GPR161: variants seen among roughly 807,000 people sequenced by gnomAD.
GPR161 encodes the protein G-protein coupled receptor RE2.
In GPR161, 25 loss-of-function variants were observed where a neutral mutation model predicts 39.2. That is an observed-to-expected ratio of 0.64 (90% CI 0.47 to 0.89). GPR161 has a LOEUF of 0.89. Among genes scored for constraint, GPR161 ranks in the 40% least tolerant of loss-of-function variants. The probability of loss-of-function intolerance (pLI) is 0.00; values close to 1 mark genes in which losing one functional copy is unlikely to be tolerated. For synonymous variants in GPR161, 286 were observed against 276.6 expected, an observed-to-expected ratio of 1.03 and a Z score of -0.34; for missense variants, 547 against 677.8, an observed-to-expected ratio of 0.81 and a Z score of 2.14.
chr1:168,093,828 T>C (rs1695280569), intron 3 of GPR161, among the ~76,000 whole-genome samples: 1 of 152,202 alleles, frequency 6.6e-6, no homozygotes, highest in Admixed American at 6.5e-5. Context: ...CAGCGCAGGG[T>C]GAGCGGCTGG....
At chr1:168,134,243 T>C (rs1007733030) in intron 1 of GPR161, among the ~76,000 whole-genome samples, 1 of 152,208 alleles carries the variant, frequency 6.6e-6, no homozygotes, top group African/African-American at 2.4e-5. Context: ...GCTTTACCCC[T>C]GGCCAACTGC....
chr1:168,090,528 G>T, intron 4 of GPR161, 36 bp downstream of exon 4: 1 of 1,233,932 alleles, frequency 8.1e-7, no homozygotes, highest in Non-Finnish European at 1.2e-6. Flanking sequence ...CAGGGAAAAC[G>T]CGACAGGTGA....
At position 168,085,094 on chromosome 1, in the gene GPR161, C is replaced by T. The variant is rs1377991388; in HGVS notation, c.*437G>A. ...GTGCTGTGTCATCCTTCACAGTACA[C>T]TGGGGAGGGTTCTCCTCCTGAGGCA... On this transcript the variant is annotated 3_prime_UTR_variant, in exon 6 of 6. Coordinates refer to ENST00000682931, the MANE Select transcript of GPR161 (RefSeq NM_001375883.1). 2.2e-6 allele frequency: 1 copy of T among 458,428 alleles called. No individual in the cohort carries two copies. The highest frequency in any genetic ancestry group is 2.0e-5 in the African/African-American group (1 of 50,288). 28.4% of individuals were successfully genotyped at this position (458,428 alleles called of 1,614,324 possible). A position where few individuals can be genotyped will look rare whatever the true frequency, so the allele number is the denominator to read the frequency against.
In GPR161 at chr1:168,085,567, G is replaced by C. The variant is rs757739221; in HGVS notation, c.1554C>G (p.Ile518Met). 6.2e-7 allele frequency: 1 copy of C among 1,613,786 alleles called. No homozygotes were observed. Among genetic ancestry groups the C allele is most frequent in the Non-Finnish European group, 8.5e-7 (1 of 1,179,972 alleles). ...LVSQRLQLQS[I>M]EEGDVLAAEQ... The stretch of plus-strand genomic sequence containing the variant: ...CGGCAGCTAAAACATCTCCTTCTTC[G>C]ATGCTCTGCAACTGCAGCCTCTGGC... The change falls in exon 6 of 6, where the codon ATC becomes ATG. Residue 518 changes from isoleucine to methionine, a missense_variant. Physicochemically the swap from Ile to Met is conservative, Grantham distance 10 (BLOSUM62 1). Coordinates refer to ENST00000682931, the MANE Select transcript of GPR161 (RefSeq NM_001375883.1).
intron 1 of GPR161, among the ~76,000 whole-genome samples, chr1:168,116,772 G>C (rs1697670963): frequency 6.6e-6 from 1 of 152,216 alleles, no homozygotes. Context: ...CCAACGCAGA[G>C]TCTGTTGCAA....
rs1312742861 is a variant in GPR161 at position 168,085,317 on chromosome 1, A to C, written c.*214T>G. Reference sequence around the variant, plus strand: ...TGGTCCCATCACTGGGACCTAAAAGAAGCTCACATGTGGTCTCTGGAAATG... The same window carrying C: ...TGGTCCCATCACTGGGACCTAAAAGCAGCTCACATGTGGTCTCTGGAAATG... On this transcript the variant is annotated 3_prime_UTR_variant, in exon 6 of 6. Transcript: ENST00000682931. 10 of 594,546 alleles carry C rather than the reference A, an allele frequency of 1.7e-5. No individual in the cohort carries two copies. Among genetic ancestry groups the C allele is most frequent in the East Asian group, 1.4e-4 (5 of 35,730 alleles). 36.8% of individuals were successfully genotyped at this position (594,546 alleles called of 1,614,324 possible). A position where few individuals can be genotyped will look rare whatever the true frequency, so the allele number is the denominator to read the frequency against.
rs374839620 is a variant in GPR161 at position 168,093,767 on chromosome 1, G to A, written c.1099+2741C>T. On this transcript the variant is annotated intron_variant, in intron 3 of 5. Coordinates refer to ENST00000682931, the MANE Select transcript of GPR161 (RefSeq NM_001375883.1). ...AGCCCTGGCTCAGACAGAGGGACCAGGGACACAAGGCAGAGGCCAGGGCTC... is the reference window on the plus strand; with the variant it reads ...AGCCCTGGCTCAGACAGAGGGACCAAGGACACAAGGCAGAGGCCAGGGCTC... Among the ~76,000 whole-genome samples the A allele has an allele frequency of 6.4e-4, 98 of 152,342 alleles. 1 individual carries two copies. The South Asian group carries it at 0.018, about 29-fold the overall frequency.
rs1558119373 is a variant in GPR161, at chr1:168,110,527, A to AC, written c.-44-5634_-44-5633insG. Among the ~76,000 whole-genome samples the AC allele has an allele frequency of 3.4e-4, 38 of 111,888 alleles. 1 individual carries two copies. The highest frequency in any genetic ancestry group is 4.5e-4 in the Non-Finnish European group (26 of 57,246). The allele number at this position is 111,888 out of a possible 152,430, so 73.4% of individuals were successfully genotyped here. A position where few individuals can be genotyped will look rare whatever the true frequency, so the allele number is the denominator to read the frequency against. ...TAAAAAAGAAAAAAAAAAAAACGAAAGAAAGGAAAGGAAAGAAAAGAAAAG... is the reference window on the plus strand; with the variant it reads ...TAAAAAAGAAAAAAAAAAAAACGAAACGAAAGGAAAGGAAAGAAAAGAAAAG... On this transcript the variant is annotated intron_variant, in intron 1 of 5. Transcript: ENST00000682931.
At position 168,082,022 on chromosome 1, in the gene GPR161, A is replaced by C. The variant is rs935606901; in HGVS notation, c.*3509T>G. On this transcript the variant is annotated 3_prime_UTR_variant, in exon 6 of 6. Coordinates refer to ENST00000682931, the MANE Select transcript of GPR161 (RefSeq NM_001375883.1). ...AAAATATTCAGGGAAATCTGAAGAG[A>C]CTAACCATCTGTCATTGTATCAAAG... 1 of 152,372 alleles carries C rather than the reference A, an allele frequency of 6.6e-6. No individual in the cohort carries two copies. The highest frequency in any genetic ancestry group is 2.1e-4 in the South Asian group (1 of 4,828). 9.4% of individuals were successfully genotyped at this position (152,372 alleles called of 1,614,324 possible). A position where few individuals can be genotyped will look rare whatever the true frequency, so the allele number is the denominator to read the frequency against.
chr1:168,128,856 C>A (rs549086563), intron 1 of GPR161, among the ~76,000 whole-genome samples: 1 of 152,188 alleles, frequency 6.6e-6, no homozygotes, highest in African/African-American at 2.4e-5. Context: ...TGTCCCCTCC[C>A]TCCCTCACCA....
In GPR161 at chr1:168,093,821, C is replaced by A. The variant is rs113426223; in HGVS notation, c.1099+2687G>T. ...CCTGCAGTCAGAAAGCCATGGACAG[C>A]GCAGGGTGAGCGGCTGGGCTGGGGC... On this transcript the variant is annotated intron_variant, in intron 3 of 5. Coordinates refer to ENST00000682931, the MANE Select transcript of GPR161 (RefSeq NM_001375883.1). Among the ~76,000 whole-genome samples, 1,187 of 152,326 alleles carry A rather than the reference C, an allele frequency of 7.8e-3. 9 individuals are homozygous for A. The highest frequency in any genetic ancestry group is 0.012 in the Non-Finnish European group (839 of 68,028).
At chr1:168,126,683 G>A (rs1698618547) in intron 1 of GPR161, among the ~76,000 whole-genome samples, 2 of 151,974 alleles carry the variant, frequency 1.3e-5, no homozygotes, top group South Asian at 4.2e-4. Context: ...CAAACTCCTG[G>A]GCTCAAGCAA....
chr1:168,095,341 G>A (rs1424004175), intron 3 of GPR161, among the ~76,000 whole-genome samples: 1 of 152,212 alleles, frequency 6.6e-6, no homozygotes, highest in Non-Finnish European at 1.5e-5. Context: ...GTAGTTAATG[G>A]CACTGCCCCA....
chr1:168,135,070 G>C, intron 1 of GPR161: 1 of 1,480,690 alleles, frequency 6.8e-7, no homozygotes. Flanking sequence ...GGATATCGTT[G>C]CGGCCTTGGA....
rs538246737 is a variant in GPR161 at position 168,121,512 on chromosome 1, C to A, written c.-45+15227G>T. On this transcript the variant is annotated intron_variant, in intron 1 of 5. Transcript: ENST00000682931. Reference sequence around the variant, plus strand: ...ACCCCTTCATGTTTCCCAGTCAGCACAGACAGTGGAGGTCCACGTCAACCT... The same window carrying A: ...ACCCCTTCATGTTTCCCAGTCAGCAAAGACAGTGGAGGTCCACGTCAACCT... Among the ~76,000 whole-genome samples, 3 of 152,260 alleles carry A rather than the reference C, an allele frequency of 2.0e-5. No homozygotes were observed. The East Asian group carries it at 5.8e-4, about 30-fold the overall frequency.
chr1:168,090,479 G>C, intron 4 of GPR161, 85 bp downstream of exon 4: 2 of 723,902 alleles, frequency 2.8e-6, no homozygotes, highest in African/African-American at 1.8e-5. Context: ...CAGCTCTTGA[G>C]CCTGCACAGG....
Position 168,096,613 on chromosome 1 carries a change from G to T in GPR161, c.994C>A (p.Arg332Ser). 6.2e-7 allele frequency: 1 copy of T among 1,614,206 alleles called. No homozygotes were observed. Among genetic ancestry groups the T allele is most frequent in the Non-Finnish European group, 8.5e-7 (1 of 1,180,026 alleles). The change falls in exon 3 of 6, where the codon CGC (arginine) becomes AGC (serine). Residue 332 changes from arginine to serine, a missense_variant. Coordinates refer to ENST00000682931, the MANE Select transcript of GPR161 (RefSeq NM_001375883.1). ...LIYGLWNKTV[R>S]KELLGMCFGD... Reference sequence around the variant, plus strand: ...AAGCACATGCCCAGTAGTTCTTTGCGAACTGTCTTGTTCCAGAGTCCATAG... The same window carrying T: ...AAGCACATGCCCAGTAGTTCTTTGCTAACTGTCTTGTTCCAGAGTCCATAG...
At chr1:168,108,505 A>AAAAAAAAAAAAC in intron 1 of GPR161, among the ~76,000 whole-genome samples, 1 of 147,014 alleles carries the variant, frequency 6.8e-6, no homozygotes, top group East Asian at 2.0e-4. Context: ...AAAAAAAAAA[A>AAAAAAAAAAAAC]AAAAAAACTG....
intron 2 of GPR161, among the ~76,000 whole-genome samples, chr1:168,101,574 GGA>G (rs1475899291): frequency 6.6e-6 from 1 of 152,160 alleles, no homozygotes; most frequent in Non-Finnish European, 1.5e-5. Flanking sequence ...CTCAGAACTG[GGA>G]GAGTTACTTC....
Sources: gnomAD v4.1 joint callset for allele counts (sites outside exome capture counted in the v4.1 genomes callset) on GRCh38, gnomAD v4.1.1 for gene constraint, MANE v1.5 for transcripts, NCBI Gene and HGNC (gene_info 2026-07-23, HGNC 2026-07-21) for gene names.